Variants in DENND5A observed in about 807,000 individuals in gnomAD.
DENND5A encodes the protein DENN domain-containing protein 5A.
Under a neutral mutation model 140.3 loss-of-function variants are expected in DENND5A, and 64 were observed. That is an observed-to-expected ratio of 0.46 (90% CI 0.37 to 0.56). The LOEUF (loss-of-function observed/expected upper bound fraction) is 0.56, where lower values mean the gene tolerates loss of function less well. Ranked by LOEUF, DENND5A falls within the 20% of genes least tolerant of loss-of-function variation. The pLI, the probability that DENND5A is intolerant of heterozygous loss-of-function variation, is 0.00. For missense variants in DENND5A, 1,292 were observed against 1,593.8 expected (o/e 0.81, Z 3.22); for synonymous variants, 605 against 607.7 (o/e 1.00, Z 0.07).
intron 1 of DENND5A, among the ~76,000 whole-genome samples, chr11:9,234,536 T>G (rs549504865): frequency 6.6e-6 from 1 of 152,104 alleles, no homozygotes; most frequent in Non-Finnish European, 1.5e-5. Context: ...AATCTGGCCA[T>G]AAACTGGCCC....
Position 9,179,007 on chromosome 11 carries a change from T to C in DENND5A, c.1522A>G (p.Arg508Gly). ...ATCTGAATGTTTAGCTGGTAAATCCTGAGTTCTTCTTCATCACACTGAACT... is the reference window on the plus strand; with the variant it reads ...ATCTGAATGTTTAGCTGGTAAATCCCGAGTTCTTCTTCATCACACTGAACT... ...LKVQCDEEEL[R>G]IYQLNIQIRE... Residue 508 changes from arginine to glycine, a missense_variant, in exon 7 of 23, where the codon AGG becomes GGG. Physicochemically the swap from Arg to Gly is moderately radical, Grantham distance 125. Coordinates refer to ENST00000328194, the MANE Select transcript of DENND5A (RefSeq NM_015213.4). 2 of 1,614,222 alleles carry C rather than the reference T, an allele frequency of 1.2e-6. No individual in the cohort carries two copies. Among genetic ancestry groups the C allele is most frequent in the Non-Finnish European group, 1.7e-6 (2 of 1,180,028 alleles).
intron 1 of DENND5A, among the ~76,000 whole-genome samples, chr11:9,226,964 T>A (rs1453856096): frequency 6.6e-6 from 1 of 151,386 alleles, no homozygotes; most frequent in Non-Finnish European, 1.5e-5. Context: ...AGGTCAGGAG[T>A]TCGAGACCAG....
intron 1 of DENND5A, among the ~76,000 whole-genome samples, chr11:9,246,170 G>C (rs1406157683): frequency 2.0e-5 from 3 of 152,086 alleles, no homozygotes; most frequent in Non-Finnish European, 1.5e-5. Context: ...CAAGACAGTA[G>C]CCTAAAACAA....
chr11:9,190,858 T>A (rs1419001402), intron 5 of DENND5A, among the ~76,000 whole-genome samples: 1 of 152,150 alleles, frequency 6.6e-6, no homozygotes, highest in Non-Finnish European at 1.5e-5. Context: ...CACCCCAAAG[T>A]CGTCTTTCAA....
In DENND5A at chr11:9,207,616, T is replaced by C; in HGVS notation, c.126A>G (p.Ile42Met). 6.2e-7 allele frequency: 1 copy of C among 1,611,428 alleles called. No individual in the cohort carries two copies. The highest frequency in any genetic ancestry group is 8.5e-7 in the Non-Finnish European group (1 of 1,177,654). The change falls in exon 2 of 23, where the codon ATA (isoleucine) becomes ATG (methionine). Residue 42 changes from isoleucine to methionine, a missense_variant. Coordinates refer to ENST00000328194, the MANE Select transcript of DENND5A (RefSeq NM_015213.4). ...PDELSALCQYIQASKARDGAS... is the reference protein window; with the variant it reads ...PDELSALCQYMQASKARDGAS... ...CACCATCCCTGGCTTTAGAAGCCTG[T>C]ATGTACTGGCATAATGCTATATGAT...
intron 14 of DENND5A, among the ~76,000 whole-genome samples, 184 bp downstream of exon 14, chr11:9,150,496 G>GT (rs1434285471): frequency 6.6e-6 from 1 of 152,182 alleles, no homozygotes; most frequent in Non-Finnish European, 1.5e-5. Context: ...AAAATGCCAG[G>GT]AAACCCAACG....
At chr11:9,161,220 C>T (rs1353134536) in intron 11 of DENND5A, among the ~76,000 whole-genome samples, 1 of 152,072 alleles carries the variant, frequency 6.6e-6, no homozygotes, top group Non-Finnish European at 1.5e-5. Flanking sequence ...TGGTGGCGGG[C>T]GCCTGTGGTC....
intron 1 of DENND5A, among the ~76,000 whole-genome samples, chr11:9,261,777 CAA>C (rs10651988): frequency 4.5e-5 from 4 of 89,796 alleles, no homozygotes; most frequent in Non-Finnish European, 4.1e-5. Flanking sequence ...GACTGTGTCT[CAA>C]AAAAAAAAAA....
chr11:9,139,966 C>A, intron 22 of DENND5A, 112 bp from the exon 23 acceptor site: 2 of 1,166,042 alleles, frequency 1.7e-6, no homozygotes, highest in Non-Finnish European at 1.2e-6. Flanking sequence ...GCTGGAGAAG[C>A]TGACAGCCCC....
chr11:9,227,849 G>A (rs1850595132), intron 1 of DENND5A, among the ~76,000 whole-genome samples: 1 of 151,858 alleles, frequency 6.6e-6, no homozygotes, highest in Non-Finnish European at 1.5e-5. Flanking sequence ...GCTCACGCTT[G>A]TAAATCCCAG....
In DENND5A at chr11:9,139,699, G is replaced by A. The variant is rs187600310; in HGVS notation, c.3836C>T (p.Thr1279Met). 21 of 1,613,948 alleles carry A rather than the reference G, an allele frequency of 1.3e-5. No individual in the cohort carries two copies. The highest frequency in any genetic ancestry group is 6.7e-5 in the Admixed American group (4 of 59,998). ...GATGTCGATGCCCTTGACAAGGGAC[G>A]TCTCCAGCGTGATGTTGAACTCCTG... ...TLQEFNITLE[T>M]SLVKGIDI The change falls in exon 23 of 23, where the codon ACG becomes ATG. Residue 1279 changes from threonine to methionine, a missense_variant. Thr to Met is a moderately conservative substitution (Grantham distance 81). Transcript: ENST00000328194.
intron 10 of DENND5A, among the ~76,000 whole-genome samples, 174 bp from the exon 11 acceptor site, chr11:9,166,141 T>C (rs10840185): frequency 0.46 from 69,784 of 150,310 alleles, 17,351 homozygotes; most frequent in African/African-American, 0.64. Flanking sequence ...TGCAGTGGTG[T>C]GATCTCAGCT....
intron 22 of DENND5A, 128 bp from the exon 23 acceptor site, chr11:9,139,982 C>T (rs1227254471): frequency 1.9e-6 from 2 of 1,026,002 alleles, no homozygotes; most frequent in Non-Finnish European, 2.8e-6. Context: ...GCCCCCCACA[C>T]CCCCCTTTCC....
intron 1 of DENND5A, among the ~76,000 whole-genome samples, chr11:9,218,072 T>C (rs1276731371): frequency 1.3e-5 from 2 of 152,108 alleles, no homozygotes; most frequent in Non-Finnish European, 2.9e-5. Flanking sequence ...CTGGGCAACA[T>C]GGCAAGACCC....
At position 9,143,338 on chromosome 11, in the gene DENND5A, G is replaced by A. The variant is rs1290563785; in HGVS notation, c.3387+65C>T. The stretch of plus-strand genomic sequence containing the variant: ...CCTGGAAGAGCATAACAAGATAATC[G>A]GAAAAACAAAATTATTCTCTCTTAT... On this transcript the variant is annotated intron_variant, in intron 20 of 22. Coordinates refer to ENST00000328194, the MANE Select transcript of DENND5A (RefSeq NM_015213.4). The A allele has an allele frequency of 5.5e-6, 8 of 1,447,036 alleles. No homozygotes were observed. The African/African-American group carries it at 5.6e-5, about 10-fold the overall frequency. The allele number at this position is 1,447,036 out of a possible 1,614,324, so 89.6% of individuals were successfully genotyped here. A position where few individuals can be genotyped will look rare whatever the true frequency, so the allele number is the denominator to read the frequency against.
At chr11:9,222,178 T>C (rs1321579547) in intron 1 of DENND5A, among the ~76,000 whole-genome samples, 1 of 152,250 alleles carries the variant, frequency 6.6e-6, no homozygotes, top group Admixed American at 6.5e-5. Context: ...CACCTAGCTT[T>C]AGCAATTATC....
intron 5 of DENND5A, among the ~76,000 whole-genome samples, chr11:9,183,965 C>T (rs934615828): frequency 4.6e-5 from 7 of 150,876 alleles, no homozygotes; most frequent in South Asian, 2.1e-4. Flanking sequence ...GCAGGAGAAT[C>T]GCTTGAACCT....
intron 1 of DENND5A, among the ~76,000 whole-genome samples, chr11:9,262,803 G>T (rs890344547): frequency 6.6e-6 from 1 of 151,772 alleles, no homozygotes; most frequent in African/African-American, 2.4e-5. Context: ...GTGCAGTGGC[G>T]CGATCTGGGC....
intron 11 of DENND5A, among the ~76,000 whole-genome samples, chr11:9,162,333 G>C (rs941249045): frequency 7.2e-6 from 1 of 138,902 alleles, no homozygotes; most frequent in Admixed American, 8.0e-5. Flanking sequence ...CCGCCTCCCC[G>C]GTTCAAGCAA....
Sources: gnomAD v4.1 joint callset for allele counts (sites outside exome capture counted in the v4.1 genomes callset) on GRCh38, gnomAD v4.1.1 for gene constraint, MANE v1.5 for transcripts, NCBI Gene and HGNC (gene_info 2026-07-23, HGNC 2026-07-21) for gene names.